The following TUBGCP3 variants were observed in gnomAD, a reference collection of about 807,000 sequenced individuals.
The protein encoded by TUBGCP3 is gamma-tubulin complex component 3.
A neutral mutation model predicts 123.1 loss-of-function variants in TUBGCP3; 50 were observed. The ratio of observed to expected loss-of-function variants is 0.41; its 90% CI spans 0.32 to 0.51. TUBGCP3 has a LOEUF of 0.51. TUBGCP3 is among the 20% of genes least tolerant of loss of function. The pLI is 0.36. For synonymous variants in TUBGCP3, 405 were observed against 413.9 expected, an observed-to-expected ratio of 0.98 and a Z score of 0.26; for missense variants, 882 against 1,127.0, an observed-to-expected ratio of 0.78 and a Z score of 3.11.
At chr13:112,591,286 C>A (rs936060481), upstream of TUBGCP3, among the ~76,000 whole-genome samples, 7 of 152,208 alleles carry the variant, frequency 4.6e-5, no homozygotes, top group South Asian at 2.1e-4. Context: ...TGATCTAAAA[C>A]TAAAACTCTC....
At chr13:112,497,124 T>C (rs1880582525) in intron 20 of TUBGCP3, among the ~76,000 whole-genome samples, 1 of 152,166 alleles carries the variant, frequency 6.6e-6, no homozygotes, top group Non-Finnish European at 1.5e-5. Context: ...GCCTACTAAA[T>C]AAGCGTCATA....
At chr13:112,487,903 G>A (rs1048253485) in intron 21 of TUBGCP3, among the ~76,000 whole-genome samples, 10 of 151,984 alleles carry the variant, frequency 6.6e-5, no homozygotes, top group Admixed American at 1.3e-4. Context: ...AAGCTGAGGC[G>A]GGTGGATCAC....
intron 6 of TUBGCP3, 146 bp from the exon 7 acceptor site, chr13:112,555,151 T>C (rs1332049326): frequency 3.3e-6 from 2 of 597,084 alleles, no homozygotes; most frequent in Admixed American, 3.3e-5. Flanking sequence ...TGAAAAAGAG[T>C]ATGAGATTAG....
At position 112,519,102 on chromosome 13, in the gene TUBGCP3, T is replaced by C; in HGVS notation, c.1882-59A>G. Reference sequence around the variant, plus strand: ...CTTAAGCTTCTTGCTGAAGAACTTGTTAACGCAAAGAAAAAGCAGTAAAAT... The same window carrying C: ...CTTAAGCTTCTTGCTGAAGAACTTGCTAACGCAAAGAAAAAGCAGTAAAAT... On this transcript the variant is annotated intron_variant, in intron 15 of 21. Coordinates refer to ENST00000261965, the MANE Select transcript of TUBGCP3 (RefSeq NM_006322.6). The surrounding 1 kb of genome is among the most constrained non-coding windows in gnomAD (Gnocchi z 6.2). The C allele has an allele frequency of 7.1e-7, 1 of 1,401,476 alleles. No homozygotes were observed. The allele number at this position is 1,401,476 out of a possible 1,614,324, so 86.8% of individuals were successfully genotyped here. A position where few individuals can be genotyped will look rare whatever the true frequency, so the allele number is the denominator to read the frequency against.
chr13:112,593,997 A>ATC, the TUBGCP3 span, among the ~76,000 whole-genome samples: 5 of 151,314 alleles, frequency 3.3e-5, no homozygotes, highest in Non-Finnish European at 4.4e-5. Context: ...TGAATAGAAA[A>ATC]TTTGAACAGA....
At chr13:112,575,596 T>C (rs1881745981) in intron 1 of TUBGCP3, among the ~76,000 whole-genome samples, 1 of 152,174 alleles carries the variant, frequency 6.6e-6, no homozygotes, top group South Asian at 2.1e-4. Flanking sequence ...AACAACCAAC[T>C]AAACCTAATC....
chr13:112,507,722 C>A (rs1250160156), intron 17 of TUBGCP3, among the ~76,000 whole-genome samples: 3 of 152,176 alleles, frequency 2.0e-5, no homozygotes, highest in East Asian at 3.8e-4. Context: ...GAGTAACATG[C>A]CGATTTTTCA....
intron 1 of TUBGCP3, among the ~76,000 whole-genome samples, chr13:112,570,908 T>A (rs1442697476): frequency 6.6e-6 from 1 of 152,210 alleles, no homozygotes; most frequent in Non-Finnish European, 1.5e-5. Context: ...AGATTCCACC[T>A]CAAGAAACCA....
At chr13:112,504,264 G>T in intron 18 of TUBGCP3, 101 bp from the exon 19 acceptor site, 1 of 1,425,106 alleles carries the variant, frequency 7.0e-7, no homozygotes, top group Non-Finnish European at 9.6e-7. Context: ...GAGGCGGGCA[G>T]ATCACCTGAG....
chr13:112,494,017 G>A (rs1275990591), intron 20 of TUBGCP3, among the ~76,000 whole-genome samples: 1 of 151,158 alleles, frequency 6.6e-6, no homozygotes, highest in Admixed American at 6.6e-5. Context: ...AGGGCCTGGT[G>A]TCCCTGAGAC....
chr13:112,563,707 C>CAAAA (rs777082525), intron 3 of TUBGCP3, among the ~76,000 whole-genome samples: 2 of 103,408 alleles, frequency 1.9e-5, no homozygotes, highest in African/African-American at 6.6e-5. Context: ...ACTAAAAATA[C>CAAAA]CAAAAAAAAA....
intron 1 of TUBGCP3, among the ~76,000 whole-genome samples, chr13:112,573,199 A>G (rs1017485793): frequency 1.3e-5 from 2 of 151,416 alleles, no homozygotes; most frequent in Non-Finnish European, 2.9e-5. Flanking sequence ...GATTAGACAT[A>G]ACACATCCAT....
chr13:112,506,951 A>C (rs1340511788), intron 17 of TUBGCP3, among the ~76,000 whole-genome samples: 5 of 152,192 alleles, frequency 3.3e-5, no homozygotes, highest in African/African-American at 1.2e-4. Flanking sequence ...AAGTCACTGG[A>C]CTGTAATGGA....
At chr13:112,554,251 CA>C (rs2139209601) in intron 7 of TUBGCP3, 69 bp from the exon 8 acceptor site, 2 of 1,553,888 alleles carry the variant, frequency 1.3e-6, no homozygotes, top group African/African-American at 2.7e-5. Context: ...GTATTTTTCT[CA>C]AGCACTTCTA....
At chr13:112,578,249 T>C (rs2139311867) in intron 1 of TUBGCP3, among the ~76,000 whole-genome samples, 1 of 152,242 alleles carries the variant, frequency 6.6e-6, no homozygotes, top group East Asian at 1.9e-4. Context: ...CAGGATCGAT[T>C]GTATCTTGAG....
chr13:112,582,919 A>C (rs1287401632), intron 1 of TUBGCP3, among the ~76,000 whole-genome samples: 1 of 152,216 alleles, frequency 6.6e-6, no homozygotes, highest in African/African-American at 2.4e-5. Context: ...GAGCGGATAG[A>C]GGTGAGAAGC....
At chr13:112,581,455 T>C (rs1882268343) in intron 1 of TUBGCP3, among the ~76,000 whole-genome samples, 1 of 152,128 alleles carries the variant, frequency 6.6e-6, no homozygotes, top group Non-Finnish European at 1.5e-5. Context: ...TTAAGAATTT[T>C]TTTTTTCCCA....
chr13:112,575,647 C>T (rs779312383), intron 1 of TUBGCP3, among the ~76,000 whole-genome samples: 7 of 152,370 alleles, frequency 4.6e-5, no homozygotes, highest in Middle Eastern at 6.8e-3. Flanking sequence ...AAACAACACA[C>T]GCTCTTTTCA....
intron 21 of TUBGCP3, 131 bp downstream of exon 21, chr13:112,489,450 G>A: frequency 1.4e-6 from 1 of 726,304 alleles, no homozygotes; most frequent in Non-Finnish European, 2.5e-6. Flanking sequence ...CACCATGGGT[G>A]CTACTCACAC....
Sources: allele counts gnomAD v4.1 joint callset (sites outside exome capture counted in the v4.1 genomes callset), GRCh38; gene constraint gnomAD v4.1.1; non-coding constraint Gnocchi (gnomAD v3.1); transcripts MANE v1.5; gene names NCBI Gene and HGNC (gene_info 2026-07-23, HGNC 2026-07-21).